IL12RB1: variants seen among roughly 807,000 people sequenced by gnomAD.
IL12RB1 encodes the protein interleukin 12 receptor subunit beta 1, also known as interleukin-12 receptor subunit beta-1.
Under a neutral mutation model 94.4 loss-of-function variants are expected in IL12RB1, and 64 were observed. The observed-to-expected ratio is 0.68, with a 90% CI of 0.55 to 0.83. IL12RB1 has a LOEUF of 0.83. Among genes scored for constraint, IL12RB1 ranks in the 40% least tolerant of loss-of-function variants. The probability of loss-of-function intolerance (pLI) is 0.00; values close to 1 mark genes in which losing one functional copy is unlikely to be tolerated. For missense variants in IL12RB1, 814 were observed against 855.6 expected (o/e 0.95, Z 0.61); for synonymous variants, 362 against 355.5 (o/e 1.02, Z -0.21).
chr19:18,064,596 C>T (rs923331988), intron 12 of IL12RB1, among the ~76,000 whole-genome samples: 2 of 151,948 alleles, frequency 1.3e-5, no homozygotes, highest in Non-Finnish European at 2.9e-5. Flanking sequence ...CCTCAGCCTC[C>T]TGAGTAGCCG....
intron 8 of IL12RB1, among the ~76,000 whole-genome samples, chr19:18,072,923 G>A (rs1022904281): frequency 4.1e-5 from 6 of 147,824 alleles, no homozygotes; most frequent in African/African-American, 1.3e-4. Context: ...CTCCAGCCTG[G>A]GCGACAGAGC....
Position 18,077,516 on chromosome 19 carries a change from C to T in IL12RB1, c.549G>A (p.Leu183=), listed in dbSNP as rs1337721144. The T allele has an allele frequency of 6.2e-7, 1 of 1,608,822 alleles. No individual in the cohort carries two copies. The highest frequency in any genetic ancestry group is 8.5e-7 in the Non-Finnish European group (1 of 1,177,280). ...RHRTPSSPWK[L]GDCGPQDDDT... ...CCCTGGACTTGGGAAACAAACTCAC[C>T]AACTTCCATGGGCTGCTGGGTGTCC... The change falls in exon 5 of 17, where the codon TTG becomes TTA. Residue 183 remains leucine, a splice_region_variant and synonymous_variant. Coordinates refer to ENST00000593993, the MANE Select transcript of IL12RB1 (RefSeq NM_005535.3).
chr19:18,079,960 T>C (rs530782775), intron 4 of IL12RB1, among the ~76,000 whole-genome samples: 1 of 152,372 alleles, frequency 6.6e-6, no homozygotes, highest in East Asian at 1.9e-4. Context: ...TTTTTGTTTC[T>C]GTGCCTGGCT....
upstream of IL12RB1, among the ~76,000 whole-genome samples, chr19:18,087,584 G>A (rs1397750314): frequency 6.6e-6 from 1 of 151,480 alleles, no homozygotes; most frequent in African/African-American, 2.4e-5. Context: ...GTGCAATCAC[G>A]GCTCACTGCA....
At chr19:18,093,359 T>C (rs545671623) in intron 1 of IL12RB1, among the ~76,000 whole-genome samples, 192 of 139,502 alleles carry the variant, frequency 1.4e-3, no homozygotes, top group African/African-American at 5.1e-3. Flanking sequence ...CTTGTGTGTG[T>C]GCGTGTGTGT....
chr19:18,066,483 A>G (rs1279499379), intron 12 of IL12RB1, 59 bp downstream of exon 12: 2 of 1,228,736 alleles, frequency 1.6e-6, no homozygotes, highest in African/African-American at 3.0e-5. Context: ...ACAGCAAGAG[A>G]GATCACAGGC....
Position 18,069,670 on chromosome 19 carries a change from G to T in IL12RB1, c.1065C>A (p.Thr355=). The T allele has an allele frequency of 1.9e-6, 3 of 1,612,738 alleles. No individual in the cohort carries two copies. The highest frequency in any genetic ancestry group is 2.5e-6 in the Non-Finnish European group (3 of 1,179,102). The stretch of plus-strand genomic sequence containing the variant: ...TCTGAGCCCGGGCTGGCCAATACAT[G>T]GTGGTCCCGTTGGTTCCGACGCTGA... ...LNISVGTNGT[T]MYWPARAQSM... The change falls in exon 10 of 17, where the codon ACC becomes ACA. Residue 355 remains threonine (T), a synonymous_variant. Coordinates refer to ENST00000593993, the MANE Select transcript of IL12RB1 (RefSeq NM_005535.3).
intron 7 of IL12RB1, among the ~76,000 whole-genome samples, chr19:18,074,737 G>A (rs1234676582): frequency 1.3e-5 from 2 of 151,824 alleles, no homozygotes; most frequent in African/African-American, 2.4e-5. Flanking sequence ...GACAGAGCAA[G>A]ACAGTCTCAA....
intron 5 of IL12RB1, 40 bp downstream of exon 5, chr19:18,077,476 A>T: frequency 6.5e-7 from 1 of 1,536,142 alleles, no homozygotes. Context: ...GGTGCCCTGG[A>T]GAGGCCCGTG....
rs17879423 is a variant in IL12RB1 at position 18,069,241 on chromosome 19, G to A, written c.1189+305C>T. Reference sequence around the variant, plus strand: ...CATTAATTTGCCACCAGCATCTCGCGAACTGCCACCTTCCCTGGCGCGGTT... The same window carrying A: ...CATTAATTTGCCACCAGCATCTCGCAAACTGCCACCTTCCCTGGCGCGGTT... On this transcript the variant is annotated intron_variant, in intron 10 of 16. Transcript: ENST00000593993. Among the ~76,000 whole-genome samples, 255 of 152,256 alleles carry A rather than the reference G, an allele frequency of 1.7e-3. 1 individual carries two copies. The highest frequency in any genetic ancestry group is 2.7e-3 in the African/African-American group (112 of 41,560).
intron 9 of IL12RB1, chr19:18,070,846 G>A (rs2146233793): frequency 6.5e-6 from 1 of 153,142 alleles, no homozygotes; most frequent in East Asian, 1.9e-4. Context: ...TCCAGAGGCT[G>A]AGGTGGAAGG....
At position 18,072,328 on chromosome 19, in the gene IL12RB1, C is replaced by T. The variant is rs1242568194; in HGVS notation, c.805G>A (p.Glu269Lys). Reference protein sequence around the residue: ...KEQPTQLELPEGCQGLAPGTE... With the variant: ...KEQPTQLELPKGCQGLAPGTE... Reference sequence around the variant, plus strand: ...CCAGGCGCCAGCCCTTGACAGCCTTCTGGAAGCTCCAGCTGGGTTGGCTGT... The same window carrying T: ...CCAGGCGCCAGCCCTTGACAGCCTTTTGGAAGCTCCAGCTGGGTTGGCTGT... Residue 269 changes from glutamate (E) to lysine (K), a missense_variant, in exon 9 of 17, where the codon GAA becomes AAA. Transcript: ENST00000593993. 6.2e-7 allele frequency: 1 copy of T among 1,613,812 alleles called. No individual in the cohort carries two copies. The highest frequency in any genetic ancestry group is 1.3e-5 in the African/African-American group (1 of 74,926).
intron 4 of IL12RB1, among the ~76,000 whole-genome samples, chr19:18,079,085 T>C (rs1202398181): frequency 6.6e-6 from 1 of 151,392 alleles, no homozygotes; most frequent in Non-Finnish European, 1.5e-5. Flanking sequence ...TTTTTTGGTG[T>C]GTGGTGAGAA....
chr19:18,087,369 C>G (rs2036415345), upstream of IL12RB1, among the ~76,000 whole-genome samples: 1 of 152,120 alleles, frequency 6.6e-6, no homozygotes, highest in East Asian at 1.9e-4. Flanking sequence ...GCCACAACAT[C>G]GAGCTAATTT....
intron 3 of IL12RB1, among the ~76,000 whole-genome samples, chr19:18,081,376 G>A (rs546896439): frequency 6.6e-6 from 1 of 151,528 alleles, no homozygotes; most frequent in East Asian, 2.0e-4. Context: ...GATTACAAGC[G>A]TGAGCCACCG....
chr19:18,064,935 T>G (rs1173271248), intron 12 of IL12RB1, among the ~76,000 whole-genome samples: 1 of 152,144 alleles, frequency 6.6e-6, no homozygotes, highest in African/African-American at 2.4e-5. Context: ...ACCATTACCA[T>G]GGCAACACCC....
In IL12RB1 at chr19:18,075,876, G is replaced by C. The variant is rs977175248; in HGVS notation, c.581-8C>G. On this transcript the variant is annotated splice_region_variant and splice_polypyrimidine_tract_variant and intron_variant, in intron 6 of 16. Transcript: ENST00000593993. ...GGGGGCAGAGGCAGGACTCTGGGGA[G>C]AGGCAGGTCGAACATCAGGCCGTAA... 3.1e-6 allele frequency: 5 copies of C among 1,613,080 alleles called. No individual in the cohort carries two copies. The Admixed American group carries it at 8.3e-5, about 27-fold the overall frequency.
chr19:18,083,514 A>T lies in IL12RB1; in HGVS notation c.65-23T>A, dbSNP rs567055787. The T allele has an allele frequency of 1.0e-4, 161 of 1,612,824 alleles. 2 individuals are homozygous for T. In the South Asian group the frequency reaches 1.6e-3, roughly 16 times the overall value. ...CAGCTGCAAAGGCAATGAAGACATA[A>T]TGACATTCCTGGCCTTGCACTGTGT... On this transcript the variant is annotated intron_variant, in intron 1 of 16. Transcript: ENST00000593993.
At chr19:18,080,533 G>T (rs909519877) in intron 4 of IL12RB1, among the ~76,000 whole-genome samples, 3 of 152,006 alleles carry the variant, frequency 2.0e-5, no homozygotes, top group Non-Finnish European at 2.9e-5. Flanking sequence ...CACCGCACCC[G>T]GCAAAATACA....
Sources: gnomAD v4.1 joint callset for allele counts (sites outside exome capture counted in the v4.1 genomes callset) on GRCh38, gnomAD v4.1.1 for gene constraint, MANE v1.5 for transcripts, NCBI Gene and HGNC (gene_info 2026-07-23, HGNC 2026-07-21) for gene names.